Variants in PAK3 observed in about 807,000 individuals in gnomAD.
PAK3 encodes the protein serine/threonine-protein kinase PAK 3.
PAK3 carries 4 observed loss-of-function variants against 41.0 expected under a neutral mutation model. The ratio of observed to expected loss-of-function variants is 0.10; its 90% CI spans 0.05 to 0.22. The LOEUF (loss-of-function observed/expected upper bound fraction) is 0.22, where lower values mean the gene tolerates loss of function less well. Among genes scored for constraint, PAK3 ranks in the 10% least tolerant of loss-of-function variants. PAK3 has a pLI of 1.00. For missense variants in PAK3, 205 were observed against 409.9 expected, an observed-to-expected ratio of 0.50 and a Z score of 4.32; for synonymous variants, 146 against 139.6, an observed-to-expected ratio of 1.05 and a Z score of -0.32.
At chrX:111,131,968 A>T (rs2093724290) in intron 5 of PAK3, among the ~76,000 whole-genome samples, 2 of 111,509 alleles carry the variant, frequency 1.8e-5, no homozygotes, top group South Asian at 7.6e-4. Flanking sequence ...TCAGAGGATG[A>T]AGCAAAATGG....
In PAK3 at chrX:111,224,423, C is replaced by T. The variant is rs1015458581; in HGVS notation, c.*3976C>T. 9.0e-6 allele frequency: 1 copy of T among 111,680 alleles called. No individual in the cohort carries two copies. Among genetic ancestry groups the T allele is most frequent in the Non-Finnish European group, 1.9e-5 (1 of 53,174 alleles). The allele number at this position is 111,680 out of a possible 1,213,427, so 9.2% of individuals were successfully genotyped here. ...TTGGAGGACTAGAAGGATAAAATCC[C>T]CAGCTCCCACCATTTTCTTGTCCAA... On this transcript the variant is annotated 3_prime_UTR_variant, in exon 18 of 18. Transcript: ENST00000372007.
At chrX:110,992,281 G>T (rs1019919129) in intron 1 of PAK3, among the ~76,000 whole-genome samples, 3 of 111,545 alleles carry the variant, frequency 2.7e-5, no homozygotes, top group Non-Finnish European at 5.6e-5. Flanking sequence ...AGCCCATGTT[G>T]CAGCAATGGA....
At chrX:111,065,684 G>C (rs1421227701) in intron 1 of PAK3, among the ~76,000 whole-genome samples, 1 of 111,529 alleles carries the variant, frequency 9.0e-6, no homozygotes, top group Non-Finnish European at 1.9e-5. Context: ...AACTTATTTG[G>C]TAAGGGGCTC....
chrX:111,033,208 G>A (rs1028144617), intron 1 of PAK3, among the ~76,000 whole-genome samples: 4 of 111,028 alleles, frequency 3.6e-5, no homozygotes, highest in African/African-American at 1.3e-4. Flanking sequence ...CAGCTGTGAC[G>A]AACCAAATCT....
intron 16 of PAK3, among the ~76,000 whole-genome samples, chrX:111,213,114 T>G (rs2094838998): frequency 9.0e-6 from 1 of 111,545 alleles, no homozygotes; most frequent in Admixed American, 9.5e-5. Flanking sequence ...GATGAGGGAG[T>G]ATAAGCAGAT....
chrX:110,991,417 C>T (rs1313086016), intron 1 of PAK3, among the ~76,000 whole-genome samples: 1 of 111,427 alleles, frequency 9.0e-6, no homozygotes, highest in Non-Finnish European at 1.9e-5. Context: ...TGGAATCTGT[C>T]TAATATTAGT....
At chrX:111,147,654 C>T (rs2093966420) in intron 6 of PAK3, 83 bp from the exon 7 acceptor site, 6 of 686,336 alleles carry the variant, frequency 8.7e-6, no homozygotes, top group Non-Finnish European at 1.4e-5. Context: ...GCATGGGCTT[C>T]TTGGTGAAGA....
At chrX:111,203,244 A>T (rs2094703290) in intron 16 of PAK3, among the ~76,000 whole-genome samples, 1 of 112,206 alleles carries the variant, frequency 8.9e-6, no homozygotes. Context: ...TTTGTCTAAA[A>T]ACTTATGAGT....
intron 4 of PAK3, among the ~76,000 whole-genome samples, chrX:111,114,057 T>C (rs957523240): frequency 8.9e-6 from 1 of 112,547 alleles, no homozygotes; most frequent in African/African-American, 3.2e-5. Context: ...TCCAAGTCTT[T>C]GCTATTATGA....
At chrX:110,995,561 G>T (rs1489803445) in intron 1 of PAK3, among the ~76,000 whole-genome samples, 1 of 111,129 alleles carries the variant, frequency 9.0e-6, no homozygotes. Context: ...CAGTCTCCTA[G>T]GCTTTTTCCT....
At chrX:110,950,537 G>A (rs1186950022) in intron 1 of PAK3, among the ~76,000 whole-genome samples, 9 of 111,360 alleles carry the variant, frequency 8.1e-5, no homozygotes, top group South Asian at 3.8e-4. Context: ...TTTAAGCCCC[G>A]CATGCATTAG....
At chrX:110,976,084 G>A (rs1034027905) in intron 1 of PAK3, among the ~76,000 whole-genome samples, 1 of 111,877 alleles carries the variant, frequency 8.9e-6, no homozygotes, top group Non-Finnish European at 1.9e-5. Flanking sequence ...CAAAAGCAAT[G>A]GCAACAAAAG....
At chrX:111,136,435 G>T (rs2093790810) in intron 5 of PAK3, among the ~76,000 whole-genome samples, 1 of 111,677 alleles carries the variant, frequency 9.0e-6, no homozygotes, top group African/African-American at 3.3e-5. Flanking sequence ...AGAAGTCAAA[G>T]AGTGAAATTT....
intron 3 of PAK3, among the ~76,000 whole-genome samples, chrX:111,100,784 T>C (rs757498187): frequency 2.1e-3 from 229 of 111,009 alleles, no homozygotes; most frequent in African/African-American, 7.1e-3. Flanking sequence ...TGTCAGGAAG[T>C]TGGAATGCAG....
At chrX:111,110,460 A>G (rs921744860) in intron 4 of PAK3, among the ~76,000 whole-genome samples, 29 of 112,200 alleles carry the variant, frequency 2.6e-4, no homozygotes, top group African/African-American at 9.4e-4. Context: ...CCTTCTTGTG[A>G]CAAAAATATC....
intron 1 of PAK3, among the ~76,000 whole-genome samples, chrX:110,972,635 A>T (rs766547358): frequency 1.4e-4 from 16 of 111,986 alleles, no homozygotes; most frequent in African/African-American, 5.2e-4. Flanking sequence ...GAAAATTCTA[A>T]AAATCAGAGT....
At chrX:111,135,467 A>G (rs1186098531) in intron 5 of PAK3, among the ~76,000 whole-genome samples, 1 of 110,738 alleles carries the variant, frequency 9.0e-6, no homozygotes, top group Non-Finnish European at 1.9e-5. Flanking sequence ...ATATATGGAG[A>G]ATCACTAGTG....
chrX:111,125,698 C>T (rs2093638622), intron 5 of PAK3, among the ~76,000 whole-genome samples: 1 of 111,447 alleles, frequency 9.0e-6, no homozygotes, highest in South Asian at 3.8e-4. Flanking sequence ...AAATCATGTG[C>T]CATTTAATAC....
chrX:111,055,290 C>T (rs2092595804), intron 1 of PAK3, among the ~76,000 whole-genome samples: 1 of 111,990 alleles, frequency 8.9e-6, no homozygotes, highest in Non-Finnish European at 1.9e-5. Context: ...TCCCTACTTC[C>T]CCTATACCTT....
Sources: gnomAD v4.1 joint callset for allele counts (sites outside exome capture counted in the v4.1 genomes callset) on GRCh38, gnomAD v4.1.1 for gene constraint, MANE v1.5 for transcripts, NCBI Gene and HGNC (gene_info 2026-07-23, HGNC 2026-07-21) for gene names.